The following DAAM2 variants were observed in gnomAD, a reference collection of about 807,000 sequenced individuals.
The protein encoded by DAAM2 is disheveled-associated activator of morphogenesis 2.
Under a neutral mutation model 120.7 loss-of-function variants are expected in DAAM2, and 39 were observed. That is an observed-to-expected ratio of 0.32 (90% CI 0.25 to 0.42). DAAM2 has a LOEUF of 0.42. Among genes scored for constraint, DAAM2 ranks in the 10% least tolerant of loss-of-function variants. The pLI is 1.00. For synonymous variants in DAAM2, 488 were observed against 524.9 expected, an observed-to-expected ratio of 0.93 and a Z score of 0.96; for missense variants, 1,283 against 1,401.7, an observed-to-expected ratio of 0.92 and a Z score of 1.35.
At chr6:39,862,408 C>CGT (rs1247292606) in intron 3 of DAAM2, 1 of 152,054 alleles carries the variant, frequency 6.6e-6, no homozygotes, top group East Asian at 1.9e-4. Context: ...AAATTTCAGG[C>CGT]GTAATTAATC....
intron 1 of DAAM2, among the ~76,000 whole-genome samples, chr6:39,809,400 G>A (rs961116363): frequency 3.3e-5 from 5 of 152,112 alleles, no homozygotes; most frequent in Non-Finnish European, 5.9e-5. Context: ...TTAAAGTCAC[G>A]TACCAGGGCT....
chr6:39,900,136 G>A lies in DAAM2; in HGVS notation c.2739G>A (p.Met913Ile), dbSNP rs770484009. The change falls in exon 23 of 25, where the codon ATG (methionine) becomes ATA (isoleucine). Residue 913 changes from methionine (M) to isoleucine (I), a missense_variant. Physicochemically the swap from Met to Ile is conservative, Grantham distance 10. Transcript: ENST00000274867. ...CCAGTGACAAGTTTGTCCCTGTCATGAGCGACTTCATCACGGTGTCCAGCT... is the reference window on the plus strand; with the variant it reads ...CCAGTGACAAGTTTGTCCCTGTCATAAGCGACTTCATCACGGTGTCCAGCT... ...REPSDKFVPV[M>I]SDFITVSSFS... The A allele has an allele frequency of 6.2e-7, 1 of 1,602,928 alleles. No homozygotes were observed. The highest frequency in any genetic ancestry group is 8.5e-7 in the Non-Finnish European group (1 of 1,174,926).
intron 3 of DAAM2, chr6:39,862,160 C>T (rs190138527): frequency 1.3e-5 from 2 of 152,358 alleles, no homozygotes; most frequent in African/African-American, 2.4e-5. Flanking sequence ...CCACCCAGTC[C>T]GTTATGGCAA....
intron 1 of DAAM2, among the ~76,000 whole-genome samples, chr6:39,826,467 T>C (rs544026294): frequency 6.6e-6 from 1 of 152,140 alleles, no homozygotes; most frequent in South Asian, 2.1e-4. Flanking sequence ...TGGGGGACTC[T>C]CGACTCCTTC....
intron 2 of DAAM2, among the ~76,000 whole-genome samples, chr6:39,857,166 A>G (rs1764042401): frequency 1.3e-5 from 2 of 152,218 alleles, no homozygotes; most frequent in Non-Finnish European, 2.9e-5. Context: ...GGAAAGAAGC[A>G]TGATTCCTTC....
rs1249953560 is a variant in DAAM2 at position 39,879,205 on chromosome 6, C to A, written c.1573C>A (p.Pro525Thr). The A allele has an allele frequency of 1.3e-6, 2 of 1,549,864 alleles. No homozygotes were observed. Among genetic ancestry groups the A allele is most frequent in the Non-Finnish European group, 1.7e-6 (2 of 1,146,108 alleles). Residue 525 changes from proline to threonine, a missense_variant, in exon 14 of 25, where the codon CCT (proline) becomes ACT (threonine). Physicochemically the swap from Pro to Thr is conservative, Grantham distance 38 (BLOSUM62 -1). Transcript: ENST00000274867. The part of the protein sequence containing the change: ...STGPVSSPPP[P>T]GGPLTLSSSM... ...AGGCCCTGTATCTTCCCCACCACCC[C>A]CTGGGGGCCCACTCACCTTGTCTTC... is the stretch of plus-strand genomic sequence containing the variant.
At chr6:39,855,058 C>T (rs1007099720) in intron 1 of DAAM2, among the ~76,000 whole-genome samples, 12 of 152,264 alleles carry the variant, frequency 7.9e-5, no homozygotes, top group Non-Finnish European at 1.5e-4. Flanking sequence ...GACTGCAAAC[C>T]GATGATACTC....
Position 39,856,299 on chromosome 6 carries a change from G to A in DAAM2, c.-4G>A. On this transcript the variant is annotated 5_prime_UTR_variant, in exon 2 of 25. Transcript: ENST00000274867. The stretch of plus-strand genomic sequence containing the variant: ...CTGCTGACGCCCCCTGGCCTGCAGT[G>A]ACCATGGCCCCCCGCAAGAGGAGCC... 1.3e-6 allele frequency: 2 copies of A among 1,524,578 alleles called. No homozygotes were observed. Among genetic ancestry groups the A allele is most frequent in the Non-Finnish European group, 1.8e-6 (2 of 1,135,560 alleles). 94.4% of individuals were successfully genotyped at this position (1,524,578 alleles called of 1,614,324 possible). A position where few individuals can be genotyped will look rare whatever the true frequency, so the allele number is the denominator to read the frequency against.
intron 14 of DAAM2, chr6:39,879,793 C>T (rs922942355): frequency 7.1e-5 from 34 of 478,888 alleles, no homozygotes; most frequent in Admixed American, 1.8e-4. Context: ...GGACAGGGTC[C>T]AGTTGAAGGA....
chr6:39,904,823 A>C lies in DAAM2; in HGVS notation c.*2786A>C, dbSNP rs1440933706. ...TTTCACTTGCACCTTTTTTATAAGA[A>C]TATATTGTAATACTAAAAAATATTA... On this transcript the variant is annotated 3_prime_UTR_variant, in exon 25 of 25. Transcript: ENST00000274867. The C allele has an allele frequency of 1.5e-5, 7 of 454,094 alleles. No individual in the cohort carries two copies. The highest frequency in any genetic ancestry group is 1.4e-4 in the Admixed American group (6 of 42,580). The allele number at this position is 454,094 out of a possible 1,614,324, so 28.1% of individuals were successfully genotyped here.
chr6:39,835,454 T>C (rs1190582519), intron 1 of DAAM2, among the ~76,000 whole-genome samples: 1 of 152,216 alleles, frequency 6.6e-6, no homozygotes, highest in Admixed American at 6.5e-5. Context: ...CTCTATTTTT[T>C]CCTTATGACA....
rs1423836716 is a variant in DAAM2 at position 39,798,757 on chromosome 6, C to T, written c.-57+6292C>T. ...TCAGTCCTGGTCTTCCTGATCTACT[C>T]ATCCTCCAAGGCCTGCTCAGGTGTC... On this transcript the variant is annotated intron_variant, in intron 1 of 24. Coordinates refer to ENST00000274867, the MANE Select transcript of DAAM2 (RefSeq NM_001201427.2). Among the ~76,000 whole-genome samples the T allele has an allele frequency of 3.3e-5, 5 of 152,182 alleles. No homozygotes were observed. The South Asian group carries it at 8.3e-4, about 25-fold the overall frequency.
Position 39,887,511 on chromosome 6 carries a change from T to TATA in DAAM2, c.1979_1980insATA (p.Tyr661dup). On this transcript the variant is annotated inframe_insertion, in exon 16 of 25. Transcript: ENST00000274867. ...AAAGAGCTGGGCTCCACTGAAGACA[T>TATA]CTACCTGGCTTCCCGCAAGGTCAAA... The TATA allele has an allele frequency of 6.2e-7, 1 of 1,613,662 alleles. No individual in the cohort carries two copies. Among genetic ancestry groups the TATA allele is most frequent in the East Asian group, 2.2e-5 (1 of 44,850 alleles).
intron 1 of DAAM2, among the ~76,000 whole-genome samples, chr6:39,812,589 C>T (rs567101509): frequency 1.0e-4 from 15 of 150,016 alleles, no homozygotes; most frequent in Admixed American, 6.8e-4. Context: ...TATCCCCCGC[C>T]TCCCCACCCT....
chr6:39,861,808 T>G (rs1764222754), intron 3 of DAAM2: 1 of 153,386 alleles, frequency 6.5e-6, no homozygotes, highest in African/African-American at 2.4e-5. Context: ...CCTCCTACAT[T>G]GCTTTGGTGT....
At chr6:39,875,037 G>A (rs1764813737) in intron 10 of DAAM2, among the ~76,000 whole-genome samples, 1 of 152,180 alleles carries the variant, frequency 6.6e-6, no homozygotes. Flanking sequence ...GGCATAGTAT[G>A]CCCAGGGTCC....
intron 1 of DAAM2, among the ~76,000 whole-genome samples, chr6:39,818,034 T>C (rs1039262501): frequency 6.6e-6 from 1 of 151,322 alleles, no homozygotes; most frequent in Non-Finnish European, 1.5e-5. Flanking sequence ...CAAAAATTAG[T>C]CGGGCATGGT....
intron 6 of DAAM2, 151 bp downstream of exon 6, chr6:39,867,994 G>C: frequency 1.5e-6 from 1 of 686,544 alleles, no homozygotes; most frequent in Non-Finnish European, 2.4e-6. Context: ...AACAGGTGAA[G>C]AGTACTGGGA....
chr6:39,900,341 C>T (rs750485912), intron 23 of DAAM2, 133 bp downstream of exon 23: 34 of 1,042,256 alleles, frequency 3.3e-5, no homozygotes, highest in South Asian at 1.2e-4. Context: ...ACCGTTTCTT[C>T]GCTCTTAACA....
Sources: gnomAD v4.1 joint callset for allele counts (sites outside exome capture counted in the v4.1 genomes callset) on GRCh38, gnomAD v4.1.1 for gene constraint, MANE v1.5 for transcripts, NCBI Gene and HGNC (gene_info 2026-07-23, HGNC 2026-07-21) for gene names.